RBL1: variants seen among roughly 807,000 people sequenced by gnomAD.
The protein encoded by RBL1 is RB transcriptional corepressor like 1.
A neutral mutation model predicts 123.0 loss-of-function variants in RBL1; 82 were observed. The ratio of observed to expected loss-of-function variants is 0.67; its 90% CI spans 0.56 to 0.80. The LOEUF (loss-of-function observed/expected upper bound fraction) is 0.80. Among genes scored for constraint, RBL1 ranks in the 30% least tolerant of loss-of-function variants. The probability of loss-of-function intolerance (pLI) is 0.00; values close to 1 mark genes in which losing one functional copy is unlikely to be tolerated. For synonymous variants in RBL1, 405 were observed against 441.3 expected (o/e 0.92, Z 1.03); for missense variants, 1,171 against 1,299.6 (o/e 0.90, Z 1.52).
intron 2 of RBL1, among the ~76,000 whole-genome samples, chr20:37,085,256 C>T (rs1264338177): frequency 1.3e-5 from 2 of 151,668 alleles, no homozygotes; most frequent in Non-Finnish European, 2.9e-5. Flanking sequence ...CCTCAGCCTC[C>T]CCAGTAGCTA....
chr20:37,029,532 G>A (rs1159998167), intron 16 of RBL1, among the ~76,000 whole-genome samples: 1 of 152,208 alleles, frequency 6.6e-6, no homozygotes, highest in Non-Finnish European at 1.5e-5. Flanking sequence ...AAGATCAGGA[G>A]TAAGACAAGG....
At chr20:37,084,696 TCAAA>T (rs1250950645) in intron 2 of RBL1, among the ~76,000 whole-genome samples, 16 of 152,154 alleles carry the variant, frequency 1.1e-4, no homozygotes, top group Middle Eastern at 3.4e-3. Flanking sequence ...AGACTCTGTC[TCAAA>T]CAAATAAAGA....
intron 18 of RBL1, among the ~76,000 whole-genome samples, chr20:37,020,106 T>G (rs1288287327): frequency 6.7e-6 from 1 of 150,086 alleles, no homozygotes; most frequent in African/African-American, 2.4e-5. Context: ...TTTTTTTTTT[T>G]GAGACAGAGT....
chr20:37,049,223 A>AAAAAAC, intron 11 of RBL1: 1 of 399,714 alleles, frequency 2.5e-6, no homozygotes, highest in Non-Finnish European at 4.6e-6. Context: ...AACAAAAAAC[A>AAAAAAC]AAAAAAAATT....
rs188419732 is a variant in RBL1 at position 37,062,448 on chromosome 20, T to G, written c.897-178A>C. Among the ~76,000 whole-genome samples the G allele has an allele frequency of 1.2e-4, 19 of 152,206 alleles. No homozygotes were observed. In the East Asian group the frequency reaches 3.7e-3, roughly 29 times the overall value. On this transcript the variant is annotated intron_variant, in intron 7 of 21. Transcript: ENST00000373664. Reference sequence around the variant, plus strand: ...TGATTATGGACATTCTTCAAATTCATATATACAACCAATAAATTACTTTCA... The same window carrying G: ...TGATTATGGACATTCTTCAAATTCAGATATACAACCAATAAATTACTTTCA...
At chr20:37,003,962 CAGTT>C in intron 20 of RBL1, 96 bp from the exon 21 acceptor site, 1 of 1,090,848 alleles carries the variant, frequency 9.2e-7, no homozygotes, top group Non-Finnish European at 1.2e-6. Context: ...AGTTAGAAAA[CAGTT>C]ATACTGTAAA....
chr20:37,074,588 C>T (rs2065334634), intron 2 of RBL1, among the ~76,000 whole-genome samples: 1 of 152,020 alleles, frequency 6.6e-6, no homozygotes, highest in Non-Finnish European at 1.5e-5. Context: ...TGTGGAGAAA[C>T]TGGAACCCTT....
chr20:37,024,712 A>G (rs965638561), intron 16 of RBL1, among the ~76,000 whole-genome samples: 3 of 151,892 alleles, frequency 2.0e-5, no homozygotes, highest in Admixed American at 6.5e-5. Context: ...AACAACATTC[A>G]AAATAAAGAA....
At position 37,001,023 on chromosome 20, in the gene RBL1, TG is replaced by T. The variant is rs1169634664; in HGVS notation, c.3037-2095del. 3.6e-4 allele frequency among the ~76,000 whole-genome samples: 33 copies of T among 91,234 alleles called. 1 individual carries two copies. Among genetic ancestry groups the T allele is most frequent in the African/African-American group, 9.6e-4 (21 of 21,822 alleles). The allele number at this position is 91,234 out of a possible 152,430, so 59.9% of individuals were successfully genotyped here. A position where few individuals can be genotyped will look rare whatever the true frequency, so the allele number is the denominator to read the frequency against. On this transcript the variant is annotated intron_variant, in intron 21 of 21. Coordinates refer to ENST00000373664, the MANE Select transcript of RBL1 (RefSeq NM_002895.5). ...CCAGCCGCCCCATCCGGGAGGGAGG[TG>T]GGGGGGGTCAGCCCCCCACCCGGCC...
At chr20:37,060,568 T>G (rs1188668391) in intron 9 of RBL1, among the ~76,000 whole-genome samples, 1 of 152,080 alleles carries the variant, frequency 6.6e-6, no homozygotes, top group Non-Finnish European at 1.5e-5. Flanking sequence ...TTGGATCACT[T>G]GAGCTCAGAA....
At chr20:37,057,004 T>TCTATCTACCTAC (rs1266917133) in intron 9 of RBL1, among the ~76,000 whole-genome samples, 11 of 147,618 alleles carry the variant, frequency 7.5e-5, no homozygotes, top group African/African-American at 2.2e-4. Flanking sequence ...TATCTATCTA[T>TCTATCTACCTAC]CTACCTACCT....
At chr20:37,034,136 A>G (rs753603723) in intron 15 of RBL1, among the ~76,000 whole-genome samples, 10 of 151,392 alleles carry the variant, frequency 6.6e-5, no homozygotes, top group African/African-American at 9.7e-5. Flanking sequence ...GGATATTGCT[A>G]TGTTGCCCAG....
chr20:37,017,619 C>CG (rs1243789597), intron 19 of RBL1, among the ~76,000 whole-genome samples: 650 of 55,520 alleles, frequency 0.012, 7 homozygotes, highest in African/African-American at 0.061. Context: ...AGGACATTTT[C>CG]TTGTGTGTGT....
intron 7 of RBL1, 151 bp from the exon 8 acceptor site, chr20:37,062,421 C>G: frequency 7.4e-7 from 1 of 1,348,230 alleles, no homozygotes. Flanking sequence ...GAGGGTCCTA[C>G]CTGATTATGG....
At chr20:37,069,202 C>T (rs1325507941) in intron 2 of RBL1, among the ~76,000 whole-genome samples, 1 of 152,252 alleles carries the variant, frequency 6.6e-6, no homozygotes, top group Non-Finnish European at 1.5e-5. Flanking sequence ...CTCCACCTCC[C>T]AGCCGCCTGC....
chr20:37,019,980 G>A (rs1242946870), intron 18 of RBL1, among the ~76,000 whole-genome samples: 1 of 151,904 alleles, frequency 6.6e-6, no homozygotes, highest in East Asian at 1.9e-4. Flanking sequence ...TTAGCAGATG[G>A]CAAAAGAAGC....
chr20:37,025,704 C>A (rs868745855), intron 16 of RBL1, among the ~76,000 whole-genome samples: 21 of 151,222 alleles, frequency 1.4e-4, no homozygotes, highest in African/African-American at 5.1e-4. Flanking sequence ...GAGTTAGAAA[C>A]CTTGTGTTGA....
In RBL1 at chr20:37,018,265, A is replaced by G. The variant is rs935640620; in HGVS notation, c.2722+14T>C. On this transcript the variant is annotated intron_variant, in intron 19 of 21. Transcript: ENST00000373664. ...ATGTGTTTTACATATAATATGTTAA[A>G]TTGGATAACTTACCACAATCTATCA... 5 of 1,600,260 alleles carry G rather than the reference A, an allele frequency of 3.1e-6. No individual in the cohort carries two copies. The highest frequency in any genetic ancestry group is 1.7e-4 in the Middle Eastern group (1 of 5,984).
intron 16 of RBL1, among the ~76,000 whole-genome samples, chr20:37,023,125 CTT>C (rs373419911): frequency 6.9e-6 from 1 of 145,758 alleles, no homozygotes; most frequent in Non-Finnish European, 1.5e-5. Flanking sequence ...ATAATTTTTC[CTT>C]TTTTTTTTTT....
Sources: gnomAD v4.1 joint callset for allele counts (sites outside exome capture counted in the v4.1 genomes callset) on GRCh38, gnomAD v4.1.1 for gene constraint, MANE v1.5 for transcripts, NCBI Gene and HGNC (gene_info 2026-07-23, HGNC 2026-07-21) for gene names.